The following PPP2R3A variants were observed in gnomAD, a reference collection of about 807,000 sequenced individuals.
PPP2R3A encodes protein phosphatase 2 regulatory subunit B''alpha, also known as serine/threonine-protein phosphatase 2A regulatory subunit B'' subunit alpha.
Under a neutral mutation model 106.9 loss-of-function variants are expected in PPP2R3A, and 80 were observed. The ratio of observed to expected loss-of-function variants is 0.75; its 90% confidence interval spans 0.62 to 0.90. The LOEUF is 0.90. PPP2R3A is among the 40% of genes least tolerant of loss of function. PPP2R3A has a pLI of 0.00. For synonymous variants in PPP2R3A, 483 were observed against 468.3 expected (o/e 1.03, Z -0.41); for missense variants, 1,386 against 1,350.4 (o/e 1.03, Z -0.41).
At position 136,002,717 on chromosome 3, in the gene PPP2R3A, T is replaced by A. The variant is rs1463806848; in HGVS notation, c.1219T>A (p.Ser407Thr). 2.5e-6 allele frequency: 4 copies of A among 1,613,116 alleles called. No individual in the cohort carries two copies. The highest frequency in any genetic ancestry group is 3.4e-6 in the Non-Finnish European group (4 of 1,179,674). Residue 407 changes from serine (S) to threonine (T), a missense_variant, in exon 2 of 14, where the codon TCT becomes ACT. Coordinates refer to ENST00000264977, the MANE Select transcript of PPP2R3A (RefSeq NM_002718.5). Reference sequence around the variant, plus strand: ...AACCATGAATCCTTTAGAAAATGTTTCTTCTGACGACTTAATGGAAACTCT... The same window carrying A: ...AACCATGAATCCTTTAGAAAATGTTACTTCTGACGACTTAATGGAAACTCT... ...SLTMNPLENV[S>T]SDDLMETLYI...
At position 136,120,906 on chromosome 3, in the gene PPP2R3A, A is replaced by G. The variant is rs559552173; in HGVS notation, c.3329+14584A>G. Among the ~76,000 whole-genome samples, 4 of 152,290 alleles carry G rather than the reference A, an allele frequency of 2.6e-5. No individual in the cohort carries two copies. In the East Asian group the frequency reaches 7.7e-4, roughly 29 times the overall value. On this transcript the variant is annotated intron_variant, in intron 13 of 13. Transcript: ENST00000264977. ...CTATCTCACACCAGTCAGAAGGGCTATTCTTAAAAAGTTAAAAAAAAATCA... is the reference window on the plus strand; with the variant it reads ...CTATCTCACACCAGTCAGAAGGGCTGTTCTTAAAAAGTTAAAAAAAAATCA...
intron 13 of PPP2R3A, among the ~76,000 whole-genome samples, chr3:136,138,270 G>C (rs1938703945): frequency 6.6e-6 from 1 of 152,032 alleles, no homozygotes; most frequent in South Asian, 2.1e-4. Flanking sequence ...TCTATGCCAG[G>C]CACTGTGCTT....
chr3:136,064,630 A>G (rs977788704), intron 5 of PPP2R3A, among the ~76,000 whole-genome samples: 4 of 152,224 alleles, frequency 2.6e-5, no homozygotes, highest in Non-Finnish European at 2.9e-5. Context: ...GTAAATTAAA[A>G]ACAATTAGAA....
At position 136,062,035 on chromosome 3, in the gene PPP2R3A, G is replaced by A. The variant is rs185716127; in HGVS notation, c.2470-8443G>A. On this transcript the variant is annotated intron_variant, in intron 5 of 13. Transcript: ENST00000264977. ...GGAAAAATGTAGATAAAGAGACTAG[G>A]ATGGTATTAGATTCTCATTGGCATC... Among the ~76,000 whole-genome samples, 85 of 152,124 alleles carry A rather than the reference G, an allele frequency of 5.6e-4. 1 individual carries two copies. In the East Asian group the frequency reaches 0.015, roughly 27 times the overall value.
chr3:136,104,654 T>C (rs1414032129), intron 12 of PPP2R3A, among the ~76,000 whole-genome samples: 1 of 152,166 alleles, frequency 6.6e-6, no homozygotes, highest in Non-Finnish European at 1.5e-5. Flanking sequence ...CATTGCCAGT[T>C]GTAAGCCTAT....
intron 13 of PPP2R3A, among the ~76,000 whole-genome samples, chr3:136,114,662 C>T (rs1262099002): frequency 1.3e-5 from 2 of 152,186 alleles, no homozygotes; most frequent in African/African-American, 4.8e-5. Context: ...GTAAACAAAG[C>T]ACTGGGAAGT....
intron 1 of PPP2R3A, among the ~76,000 whole-genome samples, chr3:135,975,773 A>G (rs1937402474): frequency 6.6e-6 from 1 of 152,168 alleles, no homozygotes; most frequent in Admixed American, 6.5e-5. Flanking sequence ...TCATATAGCT[A>G]AAATTTTAAT....
intron 13 of PPP2R3A, among the ~76,000 whole-genome samples, chr3:136,111,794 T>C (rs188478168): frequency 6.6e-6 from 1 of 152,276 alleles, no homozygotes; most frequent in East Asian, 1.9e-4. Context: ...CTCTAACTCA[T>C]TCTGTGAGGA....
At chr3:136,049,733 T>C (rs769937915) in intron 5 of PPP2R3A, among the ~76,000 whole-genome samples, 1 of 152,116 alleles carries the variant, frequency 6.6e-6, no homozygotes, top group Non-Finnish European at 1.5e-5. Context: ...AGAACATAGC[T>C]AAGAACCTGG....
intron 8 of PPP2R3A, chr3:136,087,463 T>C (rs1193534538): frequency 6.5e-6 from 1 of 153,750 alleles, no homozygotes; most frequent in African/African-American, 2.4e-5. Context: ...AAAAAACTAC[T>C]TGAAAGCATT....
chr3:136,006,418 A>T (rs1933845926), intron 2 of PPP2R3A, among the ~76,000 whole-genome samples: 1 of 152,188 alleles, frequency 6.6e-6, no homozygotes, highest in Middle Eastern at 3.2e-3. Flanking sequence ...AGTTTAAGTG[A>T]GGAATTGGCA....
rs1934690607 is a variant in PPP2R3A at position 136,027,072 on chromosome 3, AT to A, written c.2239del (p.Tyr747MetfsTer32). 6.2e-7 allele frequency: 1 copy of A among 1,613,182 alleles called. No individual in the cohort carries two copies. Among genetic ancestry groups the A allele is most frequent in the South Asian group, 1.1e-5 (1 of 90,960 alleles). On this transcript the variant is annotated frameshift_variant, in exon 3 of 14. Transcript: ENST00000264977. LOFTEE classifies it high-confidence loss of function. ...FMDIEEQKAD[I>X]YEMGKIAKVC... The stretch of plus-strand genomic sequence containing the variant: ...GGATATTGAAGAACAGAAAGCAGAC[AT>A]TTATGAAATGGGGAAAATTGCAAAG...
intron 13 of PPP2R3A, among the ~76,000 whole-genome samples, chr3:136,132,400 A>C (rs1938461934): frequency 6.6e-6 from 1 of 152,192 alleles, no homozygotes; most frequent in Non-Finnish European, 1.5e-5. Flanking sequence ...CAGTGCTATT[A>C]AGTGAATTAG....
intron 13 of PPP2R3A, among the ~76,000 whole-genome samples, chr3:136,141,173 C>A (rs1287189928): frequency 6.6e-6 from 1 of 152,112 alleles, no homozygotes; most frequent in African/African-American, 2.4e-5. Flanking sequence ...ATAAGATGAA[C>A]CAGTAATGGA....
At chr3:136,012,001 A>ACACACACG (rs1275162625) in intron 2 of PPP2R3A, among the ~76,000 whole-genome samples, 1 of 151,650 alleles carries the variant, frequency 6.6e-6, no homozygotes, top group Non-Finnish European at 1.5e-5. Context: ...ACATACACAC[A>ACACACACG]CACACACACA....
At chr3:136,011,070 C>G (rs1294114526) in intron 2 of PPP2R3A, among the ~76,000 whole-genome samples, 2 of 152,114 alleles carry the variant, frequency 1.3e-5, no homozygotes. Flanking sequence ...ATTTGCTGTT[C>G]CTTCTTCCTA....
At chr3:136,133,071 G>A (rs1471525511) in intron 13 of PPP2R3A, among the ~76,000 whole-genome samples, 2 of 151,972 alleles carry the variant, frequency 1.3e-5, no homozygotes, top group African/African-American at 4.8e-5. Flanking sequence ...TAACTGTAAG[G>A]GCTAAAACTA....
chr3:136,120,599 G>C (rs768844061), intron 13 of PPP2R3A, among the ~76,000 whole-genome samples: 1 of 151,862 alleles, frequency 6.6e-6, no homozygotes, highest in Non-Finnish European at 1.5e-5. Context: ...AAAAAAAAAA[G>C]TGCTTCTGCA....
At chr3:136,027,358 G>T (rs1934705190) in intron 3 of PPP2R3A, among the ~76,000 whole-genome samples, 1 of 152,022 alleles carries the variant, frequency 6.6e-6, no homozygotes, top group African/African-American at 2.4e-5. Context: ...GCTCTACCTT[G>T]CCAGGCAGCC....
Sources: allele counts gnomAD v4.1 joint callset (sites outside exome capture counted in the v4.1 genomes callset), GRCh38; gene constraint gnomAD v4.1.1; transcripts MANE v1.5; gene names NCBI Gene and HGNC (gene_info 2026-07-23, HGNC 2026-07-21).